FSTL5: variants seen among roughly 807,000 people sequenced by gnomAD.
FSTL5 encodes the protein follistatin like 5, also known as follistatin-related protein 5.
FSTL5 carries 62 observed loss-of-function variants against 89.1 expected under a neutral mutation model. The ratio of observed to expected loss-of-function variants is 0.70; its 90% CI spans 0.57 to 0.86. The LOEUF is 0.86. FSTL5 is among the 40% of genes least tolerant of loss of function. The pLI is 0.00. For missense variants in FSTL5, 1,057 were observed against 1,001.6 expected (o/e 1.06, Z -0.75); for synonymous variants, 383 against 346.2 (o/e 1.11, Z -1.18).
At chr4:161,896,905 T>C (rs1038589619) in intron 4 of FSTL5, among the ~76,000 whole-genome samples, 10 of 152,106 alleles carry the variant, frequency 6.6e-5, no homozygotes, top group Non-Finnish European at 1.2e-4. Context: ...AAAGATACCA[T>C]TGGCATATAT....
chr4:161,551,963 A>G (rs1166373926), intron 8 of FSTL5, among the ~76,000 whole-genome samples: 1 of 152,078 alleles, frequency 6.6e-6, no homozygotes, highest in Non-Finnish European at 1.5e-5. Context: ...AAGCAATGGC[A>G]ACAAAAGACA....
chr4:161,995,608 G>T (rs1046681707), intron 3 of FSTL5, among the ~76,000 whole-genome samples: 4 of 152,046 alleles, frequency 2.6e-5, no homozygotes, highest in African/African-American at 9.7e-5. Context: ...TTAGCACTCC[G>T]CATCAGTGCT....
At chr4:161,495,768 A>G (rs1730047204) in intron 12 of FSTL5, among the ~76,000 whole-genome samples, 1 of 152,152 alleles carries the variant, frequency 6.6e-6, no homozygotes, top group Non-Finnish European at 1.5e-5. Context: ...CTTAATGTCG[A>G]CCATGAATTT....
chr4:161,617,138 AAAT>A (rs1397247765), intron 7 of FSTL5, among the ~76,000 whole-genome samples: 1 of 151,906 alleles, frequency 6.6e-6, no homozygotes, highest in Non-Finnish European at 1.5e-5. Context: ...GCTGAAAAAT[AAAT>A]AATAAATAAA....
intron 4 of FSTL5, among the ~76,000 whole-genome samples, chr4:161,898,785 A>G (rs1733255392): frequency 6.6e-6 from 1 of 151,760 alleles, no homozygotes; most frequent in Non-Finnish European, 1.5e-5. Flanking sequence ...GCCCGCCACC[A>G]TGCCCGGCTA....
At chr4:161,614,507 G>A (rs17402629) in intron 7 of FSTL5, among the ~76,000 whole-genome samples, 3,391 of 152,162 alleles carry the variant, frequency 0.022, 61 homozygotes, top group Non-Finnish European at 0.035. Context: ...CAAGGATTCC[G>A]AAATCAGAAC....
intron 6 of FSTL5, 111 bp downstream of exon 6, chr4:161,759,300 T>G: frequency 2.0e-6 from 2 of 992,862 alleles, no homozygotes. Flanking sequence ...CTAAATTATA[T>G]AATTTTTCTT....
chr4:161,887,456 C>CTATCATCTAT (rs1732849797), intron 4 of FSTL5, among the ~76,000 whole-genome samples: 1 of 147,530 alleles, frequency 6.8e-6, no homozygotes, highest in African/African-American at 2.6e-5. Flanking sequence ...TATAATCTAT[C>CTATCATCTAT]AGTCTATCTG....
At chr4:161,556,537 T>C (rs1732399583) in intron 8 of FSTL5, among the ~76,000 whole-genome samples, 2 of 151,566 alleles carry the variant, frequency 1.3e-5, no homozygotes. Context: ...TCCAACTCTA[T>C]GAGTGCTTGT....
intron 1 of FSTL5, among the ~76,000 whole-genome samples, chr4:162,137,800 C>T (rs72986949): frequency 0.23 from 35,378 of 152,018 alleles, 4,316 homozygotes; most frequent in Non-Finnish European, 0.26. Context: ...TATATGATAC[C>T]ATTATATTTC....
chr4:161,481,259 T>G (rs1578867350), intron 12 of FSTL5, 90 bp from the exon 13 acceptor site: 1 of 924,044 alleles, frequency 1.1e-6, no homozygotes, highest in East Asian at 2.6e-5. Context: ...GTTTCATACT[T>G]TACTACTTTC....
chr4:161,501,257 TCTC>T (rs1313200123), intron 11 of FSTL5, among the ~76,000 whole-genome samples: 1 of 152,104 alleles, frequency 6.6e-6, no homozygotes, highest in African/African-American at 2.4e-5. Context: ...TCAATTGTGA[TCTC>T]CTGGAAGATT....
intron 6 of FSTL5, among the ~76,000 whole-genome samples, chr4:161,719,029 A>G (rs1413882588): frequency 6.6e-6 from 1 of 152,216 alleles, no homozygotes; most frequent in Non-Finnish European, 1.5e-5. Context: ...GTTGGGATAT[A>G]TTGATCGAAA....
chr4:161,821,100 C>T (rs865873694), intron 4 of FSTL5, among the ~76,000 whole-genome samples: 1 of 152,230 alleles, frequency 6.6e-6, no homozygotes, highest in Middle Eastern at 3.4e-3. Context: ...TGCAGTGGTG[C>T]AATCATGGCT....
At chr4:161,601,318 T>C (rs1220816326) in intron 7 of FSTL5, among the ~76,000 whole-genome samples, 1 of 115,686 alleles carries the variant, frequency 8.6e-6, no homozygotes, top group Non-Finnish European at 1.8e-5. Context: ...ACACAAAGTC[T>C]TAAATAGTTG....
At chr4:161,595,161 G>T (rs942516025) in intron 7 of FSTL5, among the ~76,000 whole-genome samples, 20 of 152,006 alleles carry the variant, frequency 1.3e-4, no homozygotes, top group African/African-American at 4.8e-4. Flanking sequence ...GACATATCAA[G>T]CCTACTCTTT....
intron 6 of FSTL5, among the ~76,000 whole-genome samples, chr4:161,749,872 G>A (rs1019117945): frequency 1.3e-5 from 2 of 151,792 alleles, no homozygotes; most frequent in Admixed American, 1.3e-4. Flanking sequence ...GGGAGGGTGT[G>A]AGGGGAGTGA....
intron 4 of FSTL5, among the ~76,000 whole-genome samples, chr4:161,792,530 C>A (rs1394234336): frequency 2.0e-5 from 3 of 152,154 alleles, no homozygotes; most frequent in Non-Finnish European, 1.5e-5. Context: ...TTTCCCTGGT[C>A]TGCCCATGGC....
chr4:161,642,733 T>C (rs1324495435), intron 7 of FSTL5, among the ~76,000 whole-genome samples: 4 of 152,180 alleles, frequency 2.6e-5, no homozygotes, highest in Non-Finnish European at 5.9e-5. Context: ...TTTAGTCATA[T>C]GAACTACTTA....
Sources: allele counts gnomAD v4.1 joint callset (sites outside exome capture counted in the v4.1 genomes callset), GRCh38; gene constraint gnomAD v4.1.1; transcripts MANE v1.5; gene names NCBI Gene and HGNC (gene_info 2026-07-23, HGNC 2026-07-21).